CAST: variants seen among roughly 807,000 people sequenced by gnomAD.
CAST encodes MIR583 host.
CAST carries 76 observed loss-of-function variants against 119.6 expected under a neutral mutation model. The ratio of observed to expected loss-of-function variants is 0.64; its 90% CI spans 0.53 to 0.77. CAST has a LOEUF of 0.77. Ranked by LOEUF, CAST falls within the 30% of genes least tolerant of loss-of-function variation. The pLI is 0.00. For synonymous variants in CAST, 319 were observed against 331.6 expected, an observed-to-expected ratio of 0.96 and a Z score of 0.41; for missense variants, 953 against 946.5, an observed-to-expected ratio of 1.01 and a Z score of -0.09.
chr5:96,146,528 G>A, the CAST span, among the ~76,000 whole-genome samples: 3 of 152,242 alleles, frequency 2.0e-5, no homozygotes, highest in Non-Finnish European at 4.4e-5. Context: ...TACACTTTGA[G>A]AACCACTGCT....
chr5:96,014,634 A>C, the CAST span, among the ~76,000 whole-genome samples: 1 of 152,122 alleles, frequency 6.6e-6, no homozygotes, highest in African/African-American at 2.4e-5. Flanking sequence ...GAATTTTTCA[A>C]CTTCATTATA....
intron 1 of CAST, among the ~76,000 whole-genome samples, chr5:96,600,685 G>A (rs1043999746): frequency 1.4e-4 from 22 of 151,998 alleles, no homozygotes; most frequent in Admixed American, 1.1e-3. Context: ...TATTCTTTCT[G>A]CATATCCTAA....
intron 1 of CAST, among the ~76,000 whole-genome samples, chr5:96,664,052 C>G (rs1162230587): frequency 6.6e-6 from 1 of 151,680 alleles, no homozygotes; most frequent in African/African-American, 2.4e-5. Context: ...CTTTTTCTCT[C>G]TTGGCATGTG....
chr5:96,005,479 G>C, the CAST span, among the ~76,000 whole-genome samples: 1 of 151,978 alleles, frequency 6.6e-6, no homozygotes, highest in Non-Finnish European at 1.5e-5. Flanking sequence ...AGGAAATTCA[G>C]GATATATATA....
intron 1 of CAST, among the ~76,000 whole-genome samples, chr5:96,562,121 A>T (rs1746384501): frequency 6.6e-6 from 1 of 152,068 alleles, no homozygotes; most frequent in African/African-American, 2.4e-5. Flanking sequence ...TATGTAAAAT[A>T]TCAAGAGTAA....
chr5:96,358,606 A>T, the CAST span, among the ~76,000 whole-genome samples: 4 of 152,180 alleles, frequency 2.6e-5, no homozygotes, highest in African/African-American at 9.7e-5. Flanking sequence ...GTCATTCAGG[A>T]GCAGGCTGTT....
chr5:96,054,394 C>T, the CAST span, among the ~76,000 whole-genome samples: 1 of 152,042 alleles, frequency 6.6e-6, no homozygotes, highest in East Asian at 1.9e-4. Flanking sequence ...GTTGGGACTA[C>T]AGGAGCAAAC....
chr5:96,282,764 AT>A, the CAST span, among the ~76,000 whole-genome samples: 5 of 152,344 alleles, frequency 3.3e-5, no homozygotes, highest in South Asian at 4.1e-4. Context: ...TTCTAAAAAA[AT>A]ATGCTGATTT....
At chr5:96,492,227 C>G in the CAST span, among the ~76,000 whole-genome samples, 8 of 152,324 alleles carry the variant, frequency 5.3e-5, no homozygotes, top group East Asian at 1.3e-3. Flanking sequence ...TTGAGGGAGG[C>G]TTTGATTCCC....
the CAST span, among the ~76,000 whole-genome samples, chr5:96,359,953 G>A: frequency 1.1e-4 from 17 of 152,188 alleles, 1 homozygote; most frequent in African/African-American, 3.4e-4. Context: ...CATTCTCCCC[G>A]TCACTTTCAG....
At chr5:96,377,245 G>A in the CAST span, among the ~76,000 whole-genome samples, 1 of 151,594 alleles carries the variant, frequency 6.6e-6, no homozygotes, top group South Asian at 2.1e-4. Flanking sequence ...ATTTATTATA[G>A]AACAAATAAA....
At chr5:96,249,689 G>A in the CAST span, among the ~76,000 whole-genome samples, 1 of 152,104 alleles carries the variant, frequency 6.6e-6, no homozygotes, top group Non-Finnish European at 1.5e-5. Context: ...AATAAACACA[G>A]CAAAGCAATA....
intron 1 of CAST, among the ~76,000 whole-genome samples, chr5:96,599,609 G>T (rs1747109275): frequency 6.6e-6 from 1 of 151,994 alleles, no homozygotes; most frequent in Non-Finnish European, 1.5e-5. Context: ...TTGCCTAAGT[G>T]CCAGGTCCCT....
chr5:96,139,115 G>T, the CAST span, among the ~76,000 whole-genome samples: 1 of 151,792 alleles, frequency 6.6e-6, no homozygotes, highest in African/African-American at 2.4e-5. Flanking sequence ...CTGGTTTGCT[G>T]TATGTCATCT....
At chr5:96,745,961 T>C (rs1284390813) in intron 16 of CAST, among the ~76,000 whole-genome samples, 1 of 152,234 alleles carries the variant, frequency 6.6e-6, no homozygotes, top group Non-Finnish European at 1.5e-5. Context: ...GCTTACTGTC[T>C]TCAAAGGATC....
chr5:96,259,670 G>A, the CAST span, among the ~76,000 whole-genome samples: 1 of 152,040 alleles, frequency 6.6e-6, no homozygotes, highest in Admixed American at 6.5e-5. Context: ...GCTGAGGGGT[G>A]AATTTCTGTT....
the CAST span, among the ~76,000 whole-genome samples, chr5:95,997,766 T>G: frequency 6.6e-6 from 1 of 152,202 alleles, no homozygotes; most frequent in East Asian, 1.9e-4. Flanking sequence ...CTTGCCATCC[T>G]CAGAAACTCT....
At chr5:96,638,417 AAAAC>A (rs1469799314) in intron 1 of CAST, among the ~76,000 whole-genome samples, 2 of 152,134 alleles carry the variant, frequency 1.3e-5, no homozygotes, top group African/African-American at 2.4e-5. Context: ...AAGAAAACAA[AAAAC>A]AAACAAACAA....
chr5:96,182,736 T>C, the CAST span, among the ~76,000 whole-genome samples: 3 of 152,202 alleles, frequency 2.0e-5, no homozygotes, highest in African/African-American at 4.8e-5. Flanking sequence ...GCTGAAGAAC[T>C]CCTAAGCAAA....
Sources: gnomAD v4.1 joint callset for allele counts (sites outside exome capture counted in the v4.1 genomes callset) on GRCh38, gnomAD v4.1.1 for gene constraint, MANE v1.5 for transcripts, NCBI Gene and HGNC (gene_info 2026-07-23, HGNC 2026-07-21) for gene names.